The following LRRC37A2 variants were observed in gnomAD, a reference collection of about 807,000 sequenced individuals.
LRRC37A2 encodes the protein leucine rich repeat containing 37 member A2.
LRRC37A2 carries 9 observed loss-of-function variants against 68.8 expected under a neutral mutation model. The observed-to-expected ratio is 0.13, with a 90% CI of 0.08 to 0.23. The LOEUF is 0.23. LRRC37A2 is among the 10% of genes least tolerant of loss of function. The pLI is 1.00. For synonymous variants in LRRC37A2, 63 were observed against 367.6 expected, an observed-to-expected ratio of 0.17 and a Z score of 9.48; for missense variants, 168 against 950.4, an observed-to-expected ratio of 0.18 and a Z score of 10.82.
the LRRC37A2 span, among the ~76,000 whole-genome samples, chr17:46,751,898 C>A: frequency 6.6e-6 from 1 of 152,168 alleles, no homozygotes; most frequent in African/African-American, 2.4e-5. Flanking sequence ...AAAGAGCAGT[C>A]GTTCTTCTGC....
chr17:46,750,347 TAAC>T, the LRRC37A2 span, among the ~76,000 whole-genome samples: 1 of 152,164 alleles, frequency 6.6e-6, no homozygotes, highest in Non-Finnish European at 1.5e-5. Flanking sequence ...AGCAAAACTC[TAAC>T]AACAACAAAA....
At chr17:46,498,815 A>G in the LRRC37A2 span, among the ~76,000 whole-genome samples, 1 of 150,096 alleles carries the variant, frequency 6.7e-6, no homozygotes. Flanking sequence ...TAAGCTCTTT[A>G]AAATATGTAT....
chr17:46,897,106 G>T, the LRRC37A2 span, among the ~76,000 whole-genome samples: 1 of 152,154 alleles, frequency 6.6e-6, no homozygotes. Context: ...TGCTGCGACC[G>T]CTCGAGTACC....
chr17:47,032,389 C>A, the LRRC37A2 span, among the ~76,000 whole-genome samples: 3 of 145,490 alleles, frequency 2.1e-5, no homozygotes, highest in Non-Finnish European at 4.5e-5. Flanking sequence ...AACTCAGAGA[C>A]GCTAGGTAAT....
chr17:46,976,438 T>TC, the LRRC37A2 span, among the ~76,000 whole-genome samples: 1 of 151,740 alleles, frequency 6.6e-6, no homozygotes, highest in Non-Finnish European at 1.5e-5. Context: ...TCCCAGCTAT[T>TC]CCGGAGGCTG....
the LRRC37A2 span, among the ~76,000 whole-genome samples, chr17:46,881,351 A>G: frequency 6.6e-6 from 1 of 152,252 alleles, no homozygotes; most frequent in Non-Finnish European, 1.5e-5. Flanking sequence ...GCTGGCTCTG[A>G]GTAATGACAG....
the LRRC37A2 span, among the ~76,000 whole-genome samples, chr17:46,828,520 A>C: frequency 2.6e-5 from 4 of 151,758 alleles, no homozygotes; most frequent in African/African-American, 9.7e-5. Context: ...CTTTTTCTTG[A>C]TTTGAGGGTT....
chr17:47,000,338 G>T, the LRRC37A2 span, among the ~76,000 whole-genome samples: 309 of 151,170 alleles, frequency 2.0e-3, 1 homozygote, highest in African/African-American at 7.2e-3. Flanking sequence ...GGGTTTCAGC[G>T]ATTCTCCTGC....
the LRRC37A2 span, among the ~76,000 whole-genome samples, chr17:46,835,066 C>T: frequency 6.6e-6 from 1 of 152,230 alleles, no homozygotes; most frequent in Non-Finnish European, 1.5e-5. Flanking sequence ...GCGATCAGTG[C>T]TCACTGTAGC....
chr17:46,984,280 CAAA>C, the LRRC37A2 span, among the ~76,000 whole-genome samples: 1 of 126,962 alleles, frequency 7.9e-6, no homozygotes, highest in South Asian at 2.6e-4. Context: ...CAACTAAGCT[CAAA>C]GTCTTTCCAG....
the LRRC37A2 span, chr17:46,876,367 CTA>C: frequency 6.2e-7 from 1 of 1,614,052 alleles, no homozygotes; most frequent in South Asian, 1.1e-5. Flanking sequence ...TGAAACTGCG[CTA>C]TGACTCGGCT....
At chr17:46,757,284 A>G in the LRRC37A2 span, 4 of 152,698 alleles carry the variant, frequency 2.6e-5, no homozygotes, top group African/African-American at 9.6e-5. Context: ...CCTGGTGGCC[A>G]GTATCCTGGA....
At chr17:46,919,031 A>T in the LRRC37A2 span, among the ~76,000 whole-genome samples, 1 of 152,108 alleles carries the variant, frequency 6.6e-6, no homozygotes, top group Non-Finnish European at 1.5e-5. Context: ...ACTGTACCCC[A>T]CACTCACCAC....
At chr17:46,977,402 C>G in the LRRC37A2 span, among the ~76,000 whole-genome samples, 27 of 152,374 alleles carry the variant, frequency 1.8e-4, no homozygotes, top group African/African-American at 6.0e-4. Context: ...GAAAGCCCAG[C>G]CTTCTCTCCT....
the LRRC37A2 span, among the ~76,000 whole-genome samples, chr17:46,495,388 T>C: frequency 2.7e-5 from 4 of 150,216 alleles, no homozygotes; most frequent in African/African-American, 7.6e-5. Flanking sequence ...TTTTTTGTTT[T>C]TGTTTTTGTT....
At chr17:47,044,287 A>T in the LRRC37A2 span, among the ~76,000 whole-genome samples, 1 of 151,520 alleles carries the variant, frequency 6.6e-6, no homozygotes, top group Non-Finnish European at 1.5e-5. Flanking sequence ...TTCTAGATTG[A>T]AGGAGACTAA....
chr17:46,774,591 A>C, the LRRC37A2 span, among the ~76,000 whole-genome samples: 1 of 152,250 alleles, frequency 6.6e-6, no homozygotes, highest in Non-Finnish European at 1.5e-5. Context: ...AGTTTAGCAC[A>C]GAGTCAGAAG....
intron 11 of LRRC37A2, chr17:46,552,534 C>T (rs1381478715): frequency 2.5e-5 from 1 of 39,662 alleles, no homozygotes; most frequent in Non-Finnish European, 4.7e-5. Context: ...TCCTTTTTCT[C>T]CTACTTTTAA....
At chr17:46,831,893 T>C in the LRRC37A2 span, among the ~76,000 whole-genome samples, 1 of 152,282 alleles carries the variant, frequency 6.6e-6, no homozygotes, top group Non-Finnish European at 1.5e-5. Flanking sequence ...CCGTGATCCC[T>C]GAGGCCAACA....
Sources: allele counts gnomAD v4.1 joint callset (sites outside exome capture counted in the v4.1 genomes callset), GRCh38; gene constraint gnomAD v4.1.1; transcripts MANE v1.5; gene names NCBI Gene and HGNC (gene_info 2026-07-23, HGNC 2026-07-21).